Variants in GPM6A observed in about 807,000 individuals in gnomAD.
GPM6A encodes glycoprotein M6A, also known as neuronal membrane glycoprotein M6-a.
Under a neutral mutation model 32.1 loss-of-function variants are expected in GPM6A, and 7 were observed. That is an observed-to-expected ratio of 0.22 (90% confidence interval 0.12 to 0.41). The LOEUF is 0.41. Among genes scored for constraint, GPM6A ranks in the 10% least tolerant of loss-of-function variants. The pLI is 1.00. For synonymous variants in GPM6A, 130 were observed against 123.4 expected, an observed-to-expected ratio of 1.05 and a Z score of -0.35; for missense variants, 235 against 347.2, an observed-to-expected ratio of 0.68 and a Z score of 2.57.
At chr4:175,700,969 T>C (rs759684336) in intron 2 of GPM6A, among the ~76,000 whole-genome samples, 2 of 152,198 alleles carry the variant, frequency 1.3e-5, no homozygotes, top group Non-Finnish European at 1.5e-5. Context: ...CTAAAAAAGT[T>C]ATTTTAACAT....
chr4:175,909,042 C>T (rs112581542), intron 1 of GPM6A, among the ~76,000 whole-genome samples: 2 of 56,636 alleles, frequency 3.5e-5, no homozygotes, highest in Admixed American at 2.3e-4. Flanking sequence ...AAAAAAAGGG[C>T]GGGGGGGGGG....
intron 1 of GPM6A, among the ~76,000 whole-genome samples, chr4:175,871,486 A>C (rs1343199959): frequency 2.0e-5 from 3 of 152,110 alleles, no homozygotes; most frequent in Non-Finnish European, 4.4e-5. Context: ...AATAAAAATA[A>C]AGAAAGAATT....
intron 1 of GPM6A, among the ~76,000 whole-genome samples, chr4:175,924,839 C>CAAAAAAAAAAAA (rs1190915755): frequency 1.6e-5 from 1 of 61,994 alleles, no homozygotes; most frequent in African/African-American, 4.5e-5. Context: ...AAATCTGTCT[C>CAAAAAAAAAAAA]AAAAAAAAAA....
intron 1 of GPM6A, among the ~76,000 whole-genome samples, chr4:175,946,624 C>A (rs758565043): frequency 6.6e-6 from 1 of 152,028 alleles, no homozygotes. Context: ...TGAGGCAGAG[C>A]ATGTCAAGAA....
chr4:175,997,756 C>T (rs1741353499), intron 1 of GPM6A, among the ~76,000 whole-genome samples: 1 of 152,164 alleles, frequency 6.6e-6, no homozygotes, highest in African/African-American at 2.4e-5. Flanking sequence ...TTTACAGATA[C>T]TTAACCAACT....
chr4:175,712,640 T>C (rs1407104524), intron 1 of GPM6A, among the ~76,000 whole-genome samples: 1 of 152,190 alleles, frequency 6.6e-6, no homozygotes, highest in African/African-American at 2.4e-5. Context: ...ACATGTCCCT[T>C]GGGTAGAAAT....
At chr4:175,870,495 T>G (rs1198826619) in intron 1 of GPM6A, among the ~76,000 whole-genome samples, 1 of 152,220 alleles carries the variant, frequency 6.6e-6, no homozygotes. Context: ...ATAAAAATAA[T>G]GTATATAAAA....
intron 1 of GPM6A, among the ~76,000 whole-genome samples, chr4:175,718,274 A>C (rs1488223104): frequency 6.6e-6 from 1 of 152,218 alleles, no homozygotes; most frequent in East Asian, 1.9e-4. Flanking sequence ...TTACTTTAAA[A>C]ACAATAAAAG....
At chr4:175,820,763 T>C (rs1004139891) in intron 1 of GPM6A, among the ~76,000 whole-genome samples, 1 of 152,162 alleles carries the variant, frequency 6.6e-6, no homozygotes, top group African/African-American at 2.4e-5. Context: ...CCTCCCAAAG[T>C]GCTGGGATTA....
chr4:175,804,584 T>C (rs560594025), intron 1 of GPM6A, among the ~76,000 whole-genome samples: 1 of 152,220 alleles, frequency 6.6e-6, no homozygotes, highest in African/African-American at 2.4e-5. Flanking sequence ...ATATTGACAT[T>C]AGACACTGCA....
chr4:175,956,099 G>A (rs183222851), intron 1 of GPM6A, among the ~76,000 whole-genome samples: 153 of 152,150 alleles, frequency 1.0e-3, no homozygotes, highest in African/African-American at 3.2e-3. Context: ...CACGTGCGTC[G>A]TACAAAACCG....
In GPM6A at chr4:175,914,557, A is replaced by G. The variant is rs113501334; in HGVS notation, c.-23+87752T>C. ...TGGCTGCTCTGGAACTCCTGATCTC[A>G]AGTGATCTGCCCGCCTTGGCCTCCC... On this transcript the variant is annotated intron_variant, in intron 1 of 7. Transcript: ENST00000280187. Among the ~76,000 whole-genome samples, 529 of 152,316 alleles carry G rather than the reference A, an allele frequency of 3.5e-3. 1 individual carries two copies. Among genetic ancestry groups the G allele is most frequent in the African/African-American group, 0.012 (488 of 41,578 alleles).
intron 1 of GPM6A, chr4:176,002,264 G>A (rs1741509955): frequency 1.1e-5 from 18 of 1,588,578 alleles, no homozygotes; most frequent in Non-Finnish European, 1.5e-5. Context: ...CCATTCCCGA[G>A]GCCGAGCCTT....
At chr4:175,767,329 G>C (rs1733011905) in intron 1 of GPM6A, among the ~76,000 whole-genome samples, 1 of 152,164 alleles carries the variant, frequency 6.6e-6, no homozygotes, top group Non-Finnish European at 1.5e-5. Flanking sequence ...TTGTGAGAAG[G>C]TGACACTCCT....
At chr4:175,972,485 A>G (rs952504030) in intron 1 of GPM6A, among the ~76,000 whole-genome samples, 7 of 152,216 alleles carry the variant, frequency 4.6e-5, no homozygotes, top group African/African-American at 1.4e-4. Flanking sequence ...GCCTTTGATC[A>G]ACCATACTAC....
chr4:175,643,724 G>T (rs997123465), intron 4 of GPM6A, among the ~76,000 whole-genome samples: 3 of 152,102 alleles, frequency 2.0e-5, no homozygotes, highest in African/African-American at 7.2e-5. Context: ...GTCACAGCTG[G>T]CTCCTAATAA....
chr4:175,709,002 G>T (rs901098165), intron 1 of GPM6A, among the ~76,000 whole-genome samples: 2 of 152,080 alleles, frequency 1.3e-5, no homozygotes, highest in African/African-American at 4.8e-5. Context: ...GATCTAATAC[G>T]CTGATGTTTA....
intron 2 of GPM6A, among the ~76,000 whole-genome samples, chr4:175,701,290 G>A (rs1560883801): frequency 1.3e-5 from 2 of 152,220 alleles, no homozygotes; most frequent in Non-Finnish European, 2.9e-5. Flanking sequence ...GAAGAGCAAG[G>A]GAAGTCCCAG....
rs148131540 is a variant in GPM6A, at chr4:175,811,486, A to G, written c.37+705T>C. ...AAATTACCAATATTTGACCATTTCA[A>G]CCTTCAAAAATGGAAATTTCACTTT... On this transcript the variant is annotated intron_variant, in intron 1 of 6. Transcript: ENST00000393658. Among the ~76,000 whole-genome samples the G allele has an allele frequency of 1.9e-3, 291 of 152,282 alleles. 1 individual carries two copies. The highest frequency in any genetic ancestry group is 3.9e-3 in the Admixed American group (59 of 15,294).
Sources: allele counts gnomAD v4.1 joint callset (sites outside exome capture counted in the v4.1 genomes callset), GRCh38; gene constraint gnomAD v4.1.1; transcripts MANE v1.5; gene names NCBI Gene and HGNC (gene_info 2026-07-23, HGNC 2026-07-21).